SEPTIN4: variants seen among roughly 807,000 people sequenced by gnomAD.
The protein encoded by SEPTIN4 is septin 4, also known as septin-4.
A neutral mutation model predicts 107.1 loss-of-function variants in SEPTIN4; 52 were observed. That is an observed-to-expected ratio of 0.49 (90% confidence interval 0.39 to 0.61). The LOEUF is 0.61. SEPTIN4 is among the 20% of genes least tolerant of loss of function. SEPTIN4 has a pLI of 0.00. For missense variants in SEPTIN4, 1,048 were observed against 1,243.5 expected (o/e 0.84, Z 2.36); for synonymous variants, 417 against 467.0 (o/e 0.89, Z 1.38).
At chr17:58,530,250 G>A (rs1202822706) in intron 3 of SEPTIN4, 1 of 152,272 alleles carries the variant, frequency 6.6e-6, no homozygotes, top group African/African-American at 2.4e-5. Flanking sequence ...AGGCTGGGGA[G>A]AGAAAGCACT....
Position 58,521,662 on chromosome 17 carries a change from G to A in SEPTIN4, c.2470-16C>T. The A allele has an allele frequency of 6.2e-7, 1 of 1,614,180 alleles. No individual in the cohort carries two copies. The highest frequency in any genetic ancestry group is 8.5e-7 in the Non-Finnish European group (1 of 1,180,006). On this transcript the variant is annotated splice_polypyrimidine_tract_variant and intron_variant, in intron 9 of 13. Transcript: ENST00000672673. The surrounding 1 kb of genome is among the most constrained non-coding windows in gnomAD (Gnocchi z 6.4). ...CCTCCCGGATCTGACAAACAGATGA[G>A]GGGCCCACAGTTCTGGGGACCACAT...
chr17:58,543,623 TC>T lies in SEPTIN4; in HGVS notation c.563del (p.Arg188LysfsTer38). On this transcript the variant is annotated frameshift_variant, in exon 1 of 14. Transcript: ENST00000672673. LOFTEE classifies it high-confidence loss of function. ...PSKVQNPQGV[R>X]VPRRILSYPK... Reference sequence around the variant, plus strand: ...GGTAAGACAAAATCCTACGGGGAACTCTGACTCCTTGGGGGTTCTGGACCTT... The same window carrying T: ...GGTAAGACAAAATCCTACGGGGAACTTGACTCCTTGGGGGTTCTGGACCTT... The T allele has an allele frequency of 6.2e-7, 1 of 1,614,244 alleles. No homozygotes were observed. The highest frequency in any genetic ancestry group is 8.5e-7 in the Non-Finnish European group (1 of 1,180,048).
Position 58,543,005 on chromosome 17 carries a change from T to C in SEPTIN4, c.1182A>G (p.Pro394=). The C allele has an allele frequency of 6.2e-7, 1 of 1,612,342 alleles. No individual in the cohort carries two copies. The highest frequency in any genetic ancestry group is 8.5e-7 in the Non-Finnish European group (1 of 1,179,268). The part of the protein sequence containing the change: ...YMSQGPTPRY[P]ELSQKPSIHA... ...GGATGGAGGGCTTTTGCGAGAGTTC[T>C]GGATACCTGGGTGTAGGTCCTTGGG... Residue 394 remains proline (P), a synonymous_variant, in exon 1 of 14, where the codon CCA becomes CCG. Coordinates refer to ENST00000672673, the MANE Select transcript of SEPTIN4 (RefSeq NM_001368771.2).
In SEPTIN4 at chr17:58,538,942, C is replaced by T. The variant is rs1270319503; in HGVS notation, c.1614+1724G>A. Among the ~76,000 whole-genome samples the T allele has an allele frequency of 2.0e-5, 3 of 152,258 alleles. No homozygotes were observed. Among genetic ancestry groups the T allele is most frequent in the Admixed American group, 2.0e-4 (3 of 15,292 alleles). ...TGCCAGGAATGGAATCTGGAACAGA[C>T]TCTATGGTCAACCATTCCCAGATCA... On this transcript the variant is annotated intron_variant, in intron 3 of 13. Transcript: ENST00000672673. The surrounding 1 kb of genome is among the most constrained non-coding windows in gnomAD (Gnocchi z 4.7).
chr17:58,541,665 TA>T, intron 2 of SEPTIN4: 1 of 1,088,286 alleles, frequency 9.2e-7, no homozygotes, highest in South Asian at 1.6e-5. Flanking sequence ...CCATGAGGCT[TA>T]AATTATTCTC....
Position 58,544,292 on chromosome 17 carries a change from C to A in SEPTIN4, c.-106G>T. The stretch of plus-strand genomic sequence containing the variant: ...TTACCCTGTTTTAAAGCTGCTGTTT[C>A]TTGGGCTCCCACAAAAGTGGCTGTT... On this transcript the variant is annotated 5_prime_UTR_variant, in exon 1 of 14. Coordinates refer to ENST00000672673, the MANE Select transcript of SEPTIN4 (RefSeq NM_001368771.2). The A allele has an allele frequency of 7.0e-7, 1 of 1,430,156 alleles. No individual in the cohort carries two copies. Among genetic ancestry groups the A allele is most frequent in the Non-Finnish European group, 9.4e-7 (1 of 1,069,248 alleles). The allele number at this position is 1,430,156 out of a possible 1,614,324, so 88.6% of individuals were successfully genotyped here.
intron 7 of SEPTIN4, among the ~76,000 whole-genome samples, chr17:58,523,120 C>G (rs773129650): frequency 1.3e-5 from 2 of 152,080 alleles, no homozygotes; most frequent in Non-Finnish European, 2.9e-5. Context: ...GCCTGTAATC[C>G]TAGCACTTTA....
At chr17:58,522,208 C>T (rs1598254968) in intron 7 of SEPTIN4, 107 bp from the exon 8 acceptor site, 2 of 1,392,782 alleles carry the variant, frequency 1.4e-6, no homozygotes, top group Non-Finnish European at 2.0e-6. Context: ...TTTTAAGACA[C>T]TGTTATTCCC....
At position 58,520,430 on chromosome 17, in the gene SEPTIN4, T is replaced by TAA; in HGVS notation, c.2986_2987insTT (p.Tyr996PhefsTer11). ...ATATCCAGGGCTGAAAGCCAGTTAA[T>TAA]AGTTCTCCTTCATCTGTTTTTGTAT... On this transcript the variant is annotated frameshift_variant, in exon 14 of 14. Transcript: ENST00000672673. LOFTEE classifies it high-confidence loss of function. 6.2e-7 allele frequency: 1 copy of TAA among 1,613,024 alleles called. No individual in the cohort carries two copies. The highest frequency in any genetic ancestry group is 8.5e-7 in the Non-Finnish European group (1 of 1,180,000).
In SEPTIN4 at chr17:58,529,037, C is replaced by G. The variant is rs953843940; in HGVS notation, c.1615-2059G>C. 1.8e-5 allele frequency: 28 copies of G among 1,560,694 alleles called. No homozygotes were observed. The African/African-American group carries it at 3.5e-4, about 20-fold the overall frequency. On this transcript the variant is annotated intron_variant, in intron 3 of 13. Transcript: ENST00000672673. ...GCTCTGCCAGTGACCAAATCATTTT[C>G]TGACTTTGAGCCCCAATCCCAGCCA...
intron 2 of SEPTIN4, chr17:58,541,672 T>G (rs2043878654): frequency 8.9e-7 from 1 of 1,125,670 alleles, no homozygotes; most frequent in Non-Finnish European, 1.3e-6. Context: ...GCTTAAATTA[T>G]TCTCCATTCC....
chr17:58,527,821 C>T (rs1253603146), intron 3 of SEPTIN4: 1 of 985,516 alleles, frequency 1.0e-6, no homozygotes, highest in Admixed American at 6.1e-5. Flanking sequence ...GAGTTGTCTC[C>T]TTACCCCCTC....
chr17:58,523,654 G>A (rs577749691), intron 7 of SEPTIN4, among the ~76,000 whole-genome samples: 3 of 151,856 alleles, frequency 2.0e-5, no homozygotes, highest in South Asian at 2.1e-4. Flanking sequence ...ACCACAGGCT[G>A]GACATCTAGT....
At chr17:58,539,073 G>A in intron 3 of SEPTIN4, 1 of 1,356,210 alleles carries the variant, frequency 7.4e-7, no homozygotes, top group Non-Finnish European at 1.0e-6. Flanking sequence ...GCTCTCTCAT[G>A]CATTAGAGAG....
intron 3 of SEPTIN4, 134 bp downstream of exon 3, chr17:58,540,532 G>T: frequency 1.6e-6 from 1 of 633,922 alleles, no homozygotes; most frequent in Non-Finnish European, 2.3e-6. Context: ...CTCTTGTGCA[G>T]TGAACAATCT....
intron 3 of SEPTIN4, among the ~76,000 whole-genome samples, chr17:58,532,492 A>C (rs1159548711): frequency 6.6e-6 from 1 of 152,202 alleles, no homozygotes; most frequent in Non-Finnish European, 1.5e-5. Context: ...CTGATGCCCA[A>C]GTTACTGATC....
chr17:58,541,658 T>G, intron 2 of SEPTIN4: 1 of 1,009,760 alleles, frequency 9.9e-7, no homozygotes, highest in African/African-American at 1.6e-5. Context: ...GAAAAGGCCA[T>G]GAGGCTTAAA....
At chr17:58,525,503 C>T in intron 6 of SEPTIN4, 192 bp downstream of exon 6, 1 of 621,234 alleles carries the variant, frequency 1.6e-6, no homozygotes, top group Non-Finnish European at 2.8e-6. Context: ...TGGTCTCTGC[C>T]CTGCTTCAGC....
At position 58,543,310 on chromosome 17, in the gene SEPTIN4, G is replaced by A. The variant is rs1302458097; in HGVS notation, c.877C>T (p.Pro293Ser). The change falls in exon 1 of 14, where the codon CCT (proline) becomes TCT (serine). Residue 293 changes from proline (P) to serine (S), a missense_variant. This residue lies in a region of SEPTIN4 where 787 missense variants were observed against 871.8 expected (regional missense o/e 0.90). Transcript: ENST00000672673. The part of the protein sequence containing the change: ...GVHRVSARVD[P>S]ESLHKYSAYP... ...GCAGAATACTTATGAAGAGACTCAGGGTCTACCCGTGCAGAAACTCGGTGT... is the reference window on the plus strand; with the variant it reads ...GCAGAATACTTATGAAGAGACTCAGAGTCTACCCGTGCAGAAACTCGGTGT... 2 of 1,614,108 alleles carry A rather than the reference G, an allele frequency of 1.2e-6. No homozygotes were observed. The highest frequency in any genetic ancestry group is 1.7e-6 in the Non-Finnish European group (2 of 1,180,022).
Sources: gnomAD v4.1 joint callset for allele counts (sites outside exome capture counted in the v4.1 genomes callset) on GRCh38, gnomAD v4.1.1 for gene constraint, gnomAD v4.1.1 regional missense constraint, Gnocchi (gnomAD v3.1) non-coding constraint, MANE v1.5 for transcripts, NCBI Gene and HGNC (gene_info 2026-07-23, HGNC 2026-07-21) for gene names.